Variants in FRMPD4 observed in about 807,000 individuals in gnomAD.
FRMPD4 encodes FERM and PDZ domain-containing protein 4.
A neutral mutation model predicts 94.1 loss-of-function variants in FRMPD4; 22 were observed. That is an observed-to-expected ratio of 0.23 (90% CI 0.17 to 0.33). FRMPD4 has a LOEUF of 0.33. Among genes scored for constraint, FRMPD4 ranks in the 10% least tolerant of loss-of-function variants. The probability of loss-of-function intolerance (pLI) is 1.00; values close to 1 mark genes in which losing one functional copy is unlikely to be tolerated. For missense variants in FRMPD4, 1,111 were observed against 1,339.9 expected, an observed-to-expected ratio of 0.83 and a Z score of 2.67; for synonymous variants, 631 against 548.6, an observed-to-expected ratio of 1.15 and a Z score of -2.10.
In FRMPD4 at chrX:12,716,314, G is replaced by A. The variant is rs1353864168; in HGVS notation, c.1855G>A (p.Glu619Lys). The change falls in exon 15 of 17, where the codon GAG becomes AAG. Residue 619 changes from glutamate (E) to lysine (K), a missense_variant. This residue lies in a region of FRMPD4 where 192 missense variants were observed against 192.5 expected (regional missense o/e 1.00). Transcript: ENST00000675598. ...QLSQPGEAPC[E>K]ADYRSLAQRS... is the part of the protein sequence containing the mutation. ...GAGCCAGCCCGGGGAGGCCCCCTGT[G>A]AGGCAGACTACAGAAGTCTAGCTCA... 8.3e-7 allele frequency: 1 copy of A among 1,211,434 alleles called. No homozygotes were observed.
chrX:12,310,749 T>C (rs142342258), intron 1 of FRMPD4, among the ~76,000 whole-genome samples: 2,332 of 112,136 alleles, frequency 0.021, 25 homozygotes, highest in Admixed American at 0.053. Flanking sequence ...AGTACCCTAA[T>C]ATCAGAAATC....
chrX:12,498,873 T>A, intron 2 of FRMPD4, 77 bp downstream of exon 2: 1 of 560,918 alleles, frequency 1.8e-6, no homozygotes, highest in Non-Finnish European at 2.9e-6. Flanking sequence ...AGAATGAACA[T>A]ACTTAAATTA....
chrX:11,999,811 C>T (rs1302536825), intron 3 of FRMPD4, among the ~76,000 whole-genome samples: 2 of 111,612 alleles, frequency 1.8e-5, no homozygotes, highest in African/African-American at 6.5e-5. Context: ...ACACCAGCTC[C>T]CTCAACTAAA....
chrX:12,695,216 G>A (rs1005572060), intron 9 of FRMPD4, among the ~76,000 whole-genome samples: 2 of 111,289 alleles, frequency 1.8e-5, no homozygotes, highest in East Asian at 2.8e-4. Flanking sequence ...GAAGAACAAC[G>A]CGAGTGACTT....
chrX:12,088,989 T>C (rs2055132766), intron 3 of FRMPD4, among the ~76,000 whole-genome samples: 1 of 111,903 alleles, frequency 8.9e-6, no homozygotes, highest in African/African-American at 3.3e-5. Flanking sequence ...ATAACCACTG[T>C]CTTAATGTCT....
chrX:12,024,575 C>T (rs1007429777), intron 3 of FRMPD4, among the ~76,000 whole-genome samples: 3 of 112,048 alleles, frequency 2.7e-5, no homozygotes, highest in African/African-American at 9.7e-5. Flanking sequence ...TTATCCTATA[C>T]TTGTTTTCAC....
chrX:12,640,317 A>AAG (rs1429926031), intron 4 of FRMPD4, among the ~76,000 whole-genome samples: 3,848 of 104,300 alleles, frequency 0.037, 262 homozygotes, highest in African/African-American at 0.11. Context: ...AAAAAAAAAA[A>AAG]AAAAAGGTAG....
At chrX:11,955,341 G>C (rs1472870106) in intron 3 of FRMPD4, among the ~76,000 whole-genome samples, 1 of 110,813 alleles carries the variant, frequency 9.0e-6, no homozygotes, top group Non-Finnish European at 1.9e-5. Context: ...GAATCAGCCA[G>C]GCTTGCTGGG....
chrX:12,519,953 G>A (rs2058144060), intron 2 of FRMPD4, among the ~76,000 whole-genome samples: 1 of 112,127 alleles, frequency 8.9e-6, no homozygotes, highest in Non-Finnish European at 1.9e-5. Context: ...TAGTGGGAAG[G>A]AAAGTGGTAT....
intron 1 of FRMPD4, among the ~76,000 whole-genome samples, chrX:12,195,576 G>A (rs2056557390): frequency 9.0e-6 from 1 of 111,438 alleles, no homozygotes; most frequent in East Asian, 2.8e-4. Flanking sequence ...AGTTGTTATT[G>A]TTGTCTGGTC....
At chrX:12,023,244 CA>C (rs1312727086) in intron 3 of FRMPD4, among the ~76,000 whole-genome samples, 4 of 111,457 alleles carry the variant, frequency 3.6e-5, no homozygotes, top group African/African-American at 1.3e-4. Context: ...GTATACTTTT[CA>C]GCCTCCAGAA....
intron 3 of FRMPD4, among the ~76,000 whole-genome samples, chrX:11,934,752 C>G (rs759286312): frequency 2.1e-4 from 23 of 111,869 alleles, no homozygotes; most frequent in South Asian, 3.7e-4. Context: ...TTCCCAAGGC[C>G]TAGAACAGGG....
chrX:12,007,351 C>T (rs112644467), intron 3 of FRMPD4, among the ~76,000 whole-genome samples: 8,386 of 112,074 alleles, frequency 0.075, 288 homozygotes, highest in East Asian at 0.24. Context: ...TGAGCAGAAA[C>T]GTAGATAGAT....
At chrX:12,262,679 C>T (rs948509620) in intron 1 of FRMPD4, among the ~76,000 whole-genome samples, 4 of 111,457 alleles carry the variant, frequency 3.6e-5, no homozygotes, top group South Asian at 7.6e-4. Context: ...TTGATGGTAC[C>T]GATAGAAACC....
At chrX:12,155,568 T>TA (rs1292604820) in intron 1 of FRMPD4, among the ~76,000 whole-genome samples, 1 of 66,874 alleles carries the variant, frequency 1.5e-5, no homozygotes, top group African/African-American at 6.9e-5. Flanking sequence ...TAGTTCCAGG[T>TA]AGCATATCCT....
At chrX:12,195,215 G>A (rs762270586) in intron 1 of FRMPD4, among the ~76,000 whole-genome samples, 5 of 111,815 alleles carry the variant, frequency 4.5e-5, no homozygotes, top group East Asian at 2.8e-4. Context: ...TAACTGGAAC[G>A]TCACTAATGT....
chrX:12,594,352 A>G (rs920332385), intron 2 of FRMPD4, among the ~76,000 whole-genome samples: 1 of 111,975 alleles, frequency 8.9e-6, no homozygotes, highest in Non-Finnish European at 1.9e-5. Context: ...CATACAGGAA[A>G]CTTGGTGTAT....
chrX:11,971,935 T>C (rs2054342260), intron 3 of FRMPD4, among the ~76,000 whole-genome samples: 1 of 111,960 alleles, frequency 8.9e-6, no homozygotes, highest in Admixed American at 9.5e-5. Flanking sequence ...CTTAGGACTT[T>C]TGTTTGGTTG....
At position 12,045,697 on chromosome X, in the gene FRMPD4, A is replaced by G. The variant is rs931824568; in HGVS notation, c.95+167679A>G. Among the ~76,000 whole-genome samples, 8 of 111,338 alleles carry G rather than the reference A, an allele frequency of 7.2e-5. No homozygotes were observed. In the Admixed American group the frequency reaches 7.7e-4, roughly 11 times the overall value. On this transcript the variant is annotated intron_variant, in intron 3 of 18. Coordinates refer to the FRMPD4 transcript ENST00000640291. ...TTGCTGAAGTGTGTATAGTTCTCCA[A>G]GGATCCTTAGCAAGAGAAAAAATGA... is the stretch of plus-strand genomic sequence containing the variant.
Sources: allele counts gnomAD v4.1 joint callset (sites outside exome capture counted in the v4.1 genomes callset), GRCh38; gene constraint gnomAD v4.1.1; regional missense constraint gnomAD v4.1.1; transcripts MANE v1.5; gene names NCBI Gene and HGNC (gene_info 2026-07-23, HGNC 2026-07-21).